The following GRM5 variants were observed in gnomAD, a reference collection of about 807,000 sequenced individuals.
GRM5 encodes metabotropic glutamate receptor 5.
A neutral mutation model predicts 83.1 loss-of-function variants in GRM5; 19 were observed. That is an observed-to-expected ratio of 0.23 (90% CI 0.16 to 0.34). The LOEUF (loss-of-function observed/expected upper bound fraction) is 0.34, where lower values mean the gene tolerates loss of function less well. GRM5 is among the 10% of genes least tolerant of loss of function. GRM5 has a pLI of 1.00. For synonymous variants in GRM5, 675 were observed against 633.6 expected (o/e 1.07, Z -0.98); for missense variants, 1,160 against 1,588.3 (o/e 0.73, Z 4.58).
intron 2 of GRM5, among the ~76,000 whole-genome samples, chr11:89,037,133 C>A (rs894593850): frequency 7.0e-4 from 107 of 151,920 alleles, no homozygotes; most frequent in African/African-American, 2.4e-3. Flanking sequence ...GGCACAAATG[C>A]CTTATATTTT....
At chr11:88,684,310 G>A (rs113468649) in intron 3 of GRM5, among the ~76,000 whole-genome samples, 153 of 152,228 alleles carry the variant, frequency 1.0e-3, no homozygotes, top group African/African-American at 3.5e-3. Context: ...ATTAATCTAC[G>A]CTTAAAGATT....
chr11:88,640,891 T>C (rs1008981180), intron 4 of GRM5, among the ~76,000 whole-genome samples: 1 of 152,162 alleles, frequency 6.6e-6, no homozygotes, highest in Non-Finnish European at 1.5e-5. Flanking sequence ...TTGTAATTTA[T>C]AGAGATGCCA....
intron 2 of GRM5, among the ~76,000 whole-genome samples, chr11:88,873,455 G>A (rs569819434): frequency 3.0e-4 from 46 of 151,676 alleles, no homozygotes; most frequent in African/African-American, 1.1e-3. Flanking sequence ...TAGACCATAT[G>A]TGAAGTAAAA....
At chr11:89,010,941 A>C (rs1211990972) in intron 2 of GRM5, among the ~76,000 whole-genome samples, 1 of 152,228 alleles carries the variant, frequency 6.6e-6, no homozygotes, top group East Asian at 1.9e-4. Context: ...GATGGACTCT[A>C]GGTAACTTAC....
At chr11:88,725,784 C>A (rs768167584) in intron 3 of GRM5, among the ~76,000 whole-genome samples, 2 of 151,962 alleles carry the variant, frequency 1.3e-5, no homozygotes, top group Non-Finnish European at 2.9e-5. Flanking sequence ...AGCAGACCTG[C>A]AGCAGAGGGG....
chr11:88,755,544 CA>C (rs1942378704), intron 3 of GRM5, among the ~76,000 whole-genome samples: 1 of 152,066 alleles, frequency 6.6e-6, no homozygotes, highest in Non-Finnish European at 1.5e-5. Flanking sequence ...ATTGCAATAA[CA>C]GATGTTAGCA....
chr11:88,589,223 T>G (rs1937601110), intron 7 of GRM5, among the ~76,000 whole-genome samples: 1 of 151,838 alleles, frequency 6.6e-6, no homozygotes, highest in Non-Finnish European at 1.5e-5. Flanking sequence ...TTTTTTCTTT[T>G]TGGCATTTTT....
chr11:88,634,636 T>A (rs988285539), intron 4 of GRM5, among the ~76,000 whole-genome samples: 4 of 152,204 alleles, frequency 2.6e-5, no homozygotes, highest in Non-Finnish European at 4.4e-5. Context: ...ATAACAATAC[T>A]TTCTGGAACA....
chr11:88,826,411 C>T (rs746116419), intron 3 of GRM5, among the ~76,000 whole-genome samples: 12 of 151,554 alleles, frequency 7.9e-5, no homozygotes, highest in Non-Finnish European at 1.2e-4. Flanking sequence ...TTATCAACTA[C>T]AAATACACAG....
chr11:88,780,613 A>T (rs886514113), intron 3 of GRM5, among the ~76,000 whole-genome samples: 1 of 152,214 alleles, frequency 6.6e-6, no homozygotes, highest in African/African-American at 2.4e-5. Flanking sequence ...ATTTGAGGGT[A>T]CAAACAAAAT....
chr11:88,832,237 T>C (rs11021514), intron 3 of GRM5, among the ~76,000 whole-genome samples: 8,097 of 152,266 alleles, frequency 0.053, 400 homozygotes, highest in Admixed American at 0.16. Context: ...TTAAAGACTA[T>C]ACCAAAAACC....
At chr11:88,713,468 TGCTGACGAGTTGTTTATTATTAG>T (rs1485360338) in intron 3 of GRM5, among the ~76,000 whole-genome samples, 1 of 152,056 alleles carries the variant, frequency 6.6e-6, no homozygotes, top group Non-Finnish European at 1.5e-5. Context: ...GCTGAACTAA[TGCTGACGAGTTGTTTATTATTAG>T]GAAGGACACA....
At chr11:88,738,161 T>C (rs1941958369) in intron 3 of GRM5, among the ~76,000 whole-genome samples, 1 of 152,064 alleles carries the variant, frequency 6.6e-6, no homozygotes, top group African/African-American at 2.4e-5. Flanking sequence ...TTATTTGTAC[T>C]TTAGCACAAT....
chr11:88,578,110 G>T (rs1229128239), intron 7 of GRM5, among the ~76,000 whole-genome samples: 1 of 152,046 alleles, frequency 6.6e-6, no homozygotes, highest in East Asian at 1.9e-4. Flanking sequence ...TCTCTAGCTT[G>T]TTTAGGTATG....
At chr11:88,682,975 C>T (rs1940532526) in intron 3 of GRM5, among the ~76,000 whole-genome samples, 2 of 151,656 alleles carry the variant, frequency 1.3e-5, no homozygotes, top group South Asian at 4.2e-4. Flanking sequence ...GTTAGGCAAC[C>T]ATTTCATATT....
At chr11:88,773,871 G>C (rs1262785131) in intron 3 of GRM5, among the ~76,000 whole-genome samples, 2 of 152,134 alleles carry the variant, frequency 1.3e-5, no homozygotes, top group Non-Finnish European at 2.9e-5. Flanking sequence ...AATATACTTT[G>C]AAGTCAGGTA....
chr11:88,713,266 G>C (rs1316821375), intron 3 of GRM5, among the ~76,000 whole-genome samples: 1 of 152,044 alleles, frequency 6.6e-6, no homozygotes, highest in African/African-American at 2.4e-5. Context: ...TCCTAGGGAT[G>C]TTCATGGCTT....
At chr11:88,913,400 G>T (rs1424837589) in intron 2 of GRM5, among the ~76,000 whole-genome samples, 2 of 151,940 alleles carry the variant, frequency 1.3e-5, no homozygotes, top group Non-Finnish European at 2.9e-5. Context: ...CATCCAGCTG[G>T]GTTAATGGAA....
intron 2 of GRM5, among the ~76,000 whole-genome samples, chr11:88,868,169 G>C (rs899312686): frequency 1.3e-5 from 2 of 151,844 alleles, no homozygotes; most frequent in African/African-American, 4.8e-5. Context: ...GCACAGGATA[G>C]ACACTCAACA....
Sources: allele counts gnomAD v4.1 joint callset (sites outside exome capture counted in the v4.1 genomes callset), GRCh38; gene constraint gnomAD v4.1.1; transcripts MANE v1.5; gene names NCBI Gene and HGNC (gene_info 2026-07-23, HGNC 2026-07-21).